The following PDLIM4 variants were observed in gnomAD, a reference collection of about 807,000 sequenced individuals.
PDLIM4 encodes PDZ and LIM domain 4.
PDLIM4 carries 19 observed loss-of-function variants against 31.3 expected under a neutral mutation model. That is an observed-to-expected ratio of 0.61 (90% confidence interval 0.42 to 0.89). PDLIM4 has a LOEUF of 0.89. PDLIM4 is among the 40% of genes least tolerant of loss of function. The probability of loss-of-function intolerance (pLI) is 0.00; values close to 1 mark genes in which losing one functional copy is unlikely to be tolerated. For missense variants in PDLIM4, 442 were observed against 461.1 expected, an observed-to-expected ratio of 0.96 and a Z score of 0.38; for synonymous variants, 176 against 190.1, an observed-to-expected ratio of 0.93 and a Z score of 0.61.
chr5:132,270,784 C>T (rs1343970195), intron 3 of PDLIM4, 131 bp from the exon 4 acceptor site: 7 of 787,594 alleles, frequency 8.9e-6, no homozygotes, highest in Non-Finnish European at 6.6e-6. Flanking sequence ...CACCACAGGC[C>T]AGAGATGCCG....
At chr5:132,269,519 C>T (rs953992168) in intron 3 of PDLIM4, among the ~76,000 whole-genome samples, 1 of 151,514 alleles carries the variant, frequency 6.6e-6, no homozygotes, top group Non-Finnish European at 1.5e-5. Flanking sequence ...GCCACCTGGG[C>T]AGCAAGACCC....
chr5:132,260,629 A>C (rs144376565), intron 1 of PDLIM4, among the ~76,000 whole-genome samples: 12 of 152,322 alleles, frequency 7.9e-5, no homozygotes, highest in Non-Finnish European at 1.6e-4. Context: ...TTTGGAAGAA[A>C]AATGCAGGTG....
intron 1 of PDLIM4, among the ~76,000 whole-genome samples, chr5:132,259,917 C>T (rs1756337022): frequency 6.7e-6 from 1 of 148,592 alleles, no homozygotes; most frequent in African/African-American, 2.5e-5. Flanking sequence ...GTGTTGGTAA[C>T]AGCTCCCTCC....
At chr5:132,260,511 G>A (rs952098352) in intron 1 of PDLIM4, among the ~76,000 whole-genome samples, 9 of 152,142 alleles carry the variant, frequency 5.9e-5, no homozygotes, top group African/African-American at 2.2e-4. Flanking sequence ...TGATGCTCCG[G>A]CCATACAACC....
At position 132,272,535 on chromosome 5, in the gene PDLIM4, G is replaced by GAAAAATCTA; in HGVS notation, c.*306_*307insAAAAATCTA. 1 of 452,596 alleles carries GAAAAATCTA rather than the reference G, an allele frequency of 2.2e-6. No individual in the cohort carries two copies. Among genetic ancestry groups the GAAAAATCTA allele is most frequent in the Non-Finnish European group, 4.1e-6 (1 of 242,848 alleles). 28.0% of individuals were successfully genotyped at this position (452,596 alleles called of 1,614,324 possible). A position where few individuals can be genotyped will look rare whatever the true frequency, so the allele number is the denominator to read the frequency against. On this transcript the variant is annotated 3_prime_UTR_variant, in exon 7 of 7. Transcript: ENST00000253754. ...GCCAGCTCTAGTAATACGAAGGTGA[G>GAAAAATCTA]GTCTGGGATGCTGCGTGCGGCGCGA...
chr5:132,272,317 TC>T lies in PDLIM4; in HGVS notation c.*89del, dbSNP rs1331866997. ...CACCCTGTCCCTCTAATAAAGCTCC[TC>T]TGCTCCACCTTGAACCTGTCACCTG... On this transcript the variant is annotated 3_prime_UTR_variant, in exon 7 of 7. Coordinates refer to ENST00000253754, the MANE Select transcript of PDLIM4 (RefSeq NM_003687.4). 1.8e-6 allele frequency: 2 copies of T among 1,114,760 alleles called. No homozygotes were observed. The highest frequency in any genetic ancestry group is 2.7e-6 in the Non-Finnish European group (2 of 754,644). 69.1% of individuals were successfully genotyped at this position (1,114,760 alleles called of 1,614,324 possible).
At chr5:132,270,777 C>A in intron 3 of PDLIM4, 138 bp from the exon 4 acceptor site, 1 of 754,380 alleles carries the variant, frequency 1.3e-6, no homozygotes, top group Non-Finnish European at 2.3e-6. Context: ...GGCTGAGCAC[C>A]ACAGGCCAGA....
intron 2 of PDLIM4, among the ~76,000 whole-genome samples, chr5:132,263,937 G>T (rs941469516): frequency 6.6e-6 from 1 of 152,194 alleles, no homozygotes; most frequent in Non-Finnish European, 1.5e-5. Context: ...TGAGCCCGGG[G>T]TTTCCTTTCC....
chr5:132,268,082 G>A (rs1756530147), intron 3 of PDLIM4, among the ~76,000 whole-genome samples: 1 of 152,038 alleles, frequency 6.6e-6, no homozygotes, highest in Admixed American at 6.5e-5. Flanking sequence ...TGGGAGGCTG[G>A]CGACTGTAGA....
intron 2 of PDLIM4, among the ~76,000 whole-genome samples, 177 bp downstream of exon 2, chr5:132,262,937 G>T (rs1756408819): frequency 6.6e-6 from 1 of 152,232 alleles, no homozygotes; most frequent in African/African-American, 2.4e-5. Flanking sequence ...ATACTGTTTA[G>T]AGTTATAGCT....
chr5:132,258,078 G>A lies in PDLIM4; in HGVS notation c.93+251G>A, dbSNP rs572549005. Among the ~76,000 whole-genome samples the A allele has an allele frequency of 2.0e-5, 3 of 152,322 alleles. No homozygotes were observed. In the South Asian group the frequency reaches 6.2e-4, roughly 32 times the overall value. ...AGTTCACGCACCCGCCTCCCCGCTG[G>A]CCTCATCTGGGGGAGCCACTGTGGA... On this transcript the variant is annotated intron_variant, in intron 1 of 6. Transcript: ENST00000253754.
chr5:132,268,714 C>T (rs1052996439), intron 3 of PDLIM4, among the ~76,000 whole-genome samples: 2 of 152,140 alleles, frequency 1.3e-5, no homozygotes, highest in Non-Finnish European at 2.9e-5. Flanking sequence ...CCTGTCCTCC[C>T]CAGACCAGCA....
chr5:132,260,562 G>A (rs940986539), intron 1 of PDLIM4, among the ~76,000 whole-genome samples: 1 of 152,078 alleles, frequency 6.6e-6, no homozygotes, highest in African/African-American at 2.4e-5. Flanking sequence ...TATACATGCT[G>A]GTCCTTCTGC....
chr5:132,265,999 C>T lies in PDLIM4; in HGVS notation c.246-465C>T, dbSNP rs560481720. Among the ~76,000 whole-genome samples, 461 of 152,340 alleles carry T rather than the reference C, an allele frequency of 3.0e-3. 3 individuals carry two copies. Among genetic ancestry groups the T allele is most frequent in the Non-Finnish European group, 4.9e-3 (330 of 68,034 alleles). On this transcript the variant is annotated intron_variant, in intron 2 of 6. Transcript: ENST00000253754. ...AGGAGGAAAGACACACCCCTCAGAG[C>T]CTCCATTCCACCTACCCCAGAGCCG...
chr5:132,266,673 CAGA>C (rs1464137883), intron 3 of PDLIM4, 128 bp downstream of exon 3: 4 of 589,166 alleles, frequency 6.8e-6, no homozygotes, highest in Non-Finnish European at 1.2e-5. Flanking sequence ...GAGACTGAAG[CAGA>C]AGTTTTCTCT....
Position 132,273,194 on chromosome 5 carries a change from G to A in PDLIM4, c.*965G>A, listed in dbSNP as rs1014310982. On this transcript the variant is annotated 3_prime_UTR_variant, in exon 7 of 7. Coordinates refer to ENST00000253754, the MANE Select transcript of PDLIM4 (RefSeq NM_003687.4). Reference sequence around the variant, plus strand: ...GGATGTGTCCTAGACTCCGGGTCGCGTGGATCTACCCTCTAGTTTACTTGC... The same window carrying A: ...GGATGTGTCCTAGACTCCGGGTCGCATGGATCTACCCTCTAGTTTACTTGC... 2.6e-5 allele frequency: 4 copies of A among 152,284 alleles called. No individual in the cohort carries two copies. The highest frequency in any genetic ancestry group is 4.4e-5 in the Non-Finnish European group (3 of 68,022). The allele number at this position is 152,284 out of a possible 1,614,324, so 9.4% of individuals were successfully genotyped here.
chr5:132,262,011 A>G (rs1274287323), intron 1 of PDLIM4, among the ~76,000 whole-genome samples: 3 of 152,166 alleles, frequency 2.0e-5, no homozygotes, highest in Non-Finnish European at 2.9e-5. Context: ...TGGGAGTCAA[A>G]GGAATGTTCC....
intron 2 of PDLIM4, among the ~76,000 whole-genome samples, 158 bp from the exon 3 acceptor site, chr5:132,266,306 T>C (rs919674409): frequency 3.9e-5 from 6 of 152,168 alleles, no homozygotes; most frequent in Admixed American, 6.5e-5. Flanking sequence ...TTGTGGCTCA[T>C]TGCCACAACA....
At chr5:132,267,734 G>A (rs1756521421) in intron 3 of PDLIM4, among the ~76,000 whole-genome samples, 1 of 152,194 alleles carries the variant, frequency 6.6e-6, no homozygotes, top group Admixed American at 6.5e-5. Context: ...GAAGGAGTGA[G>A]AGGACAGAGG....
Sources: gnomAD v4.1 joint callset for allele counts (sites outside exome capture counted in the v4.1 genomes callset) on GRCh38, gnomAD v4.1.1 for gene constraint, MANE v1.5 for transcripts, NCBI Gene and HGNC (gene_info 2026-07-23, HGNC 2026-07-21) for gene names.